Variants in EFCAB6 observed in about 807,000 individuals in gnomAD.
EFCAB6 encodes the protein EF-hand calcium binding domain 6, also known as EF-hand calcium-binding domain-containing protein 6.
A neutral mutation model predicts 169.8 loss-of-function variants in EFCAB6; 156 were observed. The ratio of observed to expected loss-of-function variants is 0.92; its 90% CI spans 0.81 to 1.05. The LOEUF (loss-of-function observed/expected upper bound fraction) is 1.05. EFCAB6 is among the 50% of genes least tolerant of loss of function. The pLI is 0.00. For synonymous variants in EFCAB6, 698 were observed against 676.4 expected (o/e 1.03, Z -0.50); for missense variants, 1,800 against 1,829.1 (o/e 0.98, Z 0.29).
rs148545497 is a variant in EFCAB6 at position 43,540,232 on chromosome 22, G to A, written c.3774C>T (p.Ala1258=). The change falls in exon 28 of 32, where the codon GCC becomes GCT. Residue 1258 remains alanine, a synonymous_variant. Transcript: ENST00000262726. The part of the protein sequence containing the change: ...TPMATGDSAV[A]QRGSSVPDVS... ...CGTCAGGGACACTGCTCCCTCTCTG[G>A]GCCACGGCCGAGTCACCAGTGGCCA... is the stretch of plus-strand genomic sequence containing the variant. 3.1e-6 allele frequency: 5 copies of A among 1,614,112 alleles called. No homozygotes were observed. Among genetic ancestry groups the A allele is most frequent in the Admixed American group, 1.7e-5 (1 of 60,006 alleles).
At chr22:43,650,938 G>T (rs1308571838) in intron 17 of EFCAB6, among the ~76,000 whole-genome samples, 1 of 152,188 alleles carries the variant, frequency 6.6e-6, no homozygotes, top group Non-Finnish European at 1.5e-5. Flanking sequence ...CATTCAAGAG[G>T]TGACTTGGGT....
intron 24 of EFCAB6, among the ~76,000 whole-genome samples, chr22:43,586,177 A>C (rs2051050798): frequency 6.6e-6 from 1 of 152,102 alleles, no homozygotes; most frequent in Non-Finnish European, 1.5e-5. Flanking sequence ...GATTAAAAGC[A>C]CACGGGTAAA....
rs541644070 is a variant in EFCAB6 at position 43,752,228 on chromosome 22, C to T, written c.507+3538G>A. Among the ~76,000 whole-genome samples the T allele has an allele frequency of 6.6e-4, 100 of 151,448 alleles. 1 individual carries two copies. The highest frequency in any genetic ancestry group is 2.4e-3 in the African/African-American group (98 of 41,204). ...TGCCTCCTGGATCCAAGTGATTCTC[C>T]TGTCTCAGCCTCCTGAGCAGCTGGA... is the stretch of plus-strand genomic sequence containing the variant. On this transcript the variant is annotated intron_variant, in intron 6 of 31. Transcript: ENST00000262726.
rs544508881 is a variant in EFCAB6 at position 43,573,810 on chromosome 22, T to C, written c.3420+2487A>G. ...TACTAGTTGTCCCAAGGGGTGATTG[T>C]AATTATTTTCTTCAAATGTATCAGC... On this transcript the variant is annotated intron_variant, in intron 26 of 31. Transcript: ENST00000262726. Among the ~76,000 whole-genome samples, 9 of 151,380 alleles carry C rather than the reference T, an allele frequency of 5.9e-5. No individual in the cohort carries two copies. In the South Asian group the frequency reaches 1.7e-3, roughly 28 times the overall value.
In EFCAB6 at chr22:43,769,957, C is replaced by A. The variant is rs557874647; in HGVS notation, c.351+2935G>T. Reference sequence around the variant, plus strand: ...ACAAACTCTGCCTCCCGGGTTCAAGCAATTCTCCCGCCTCAGCCTCCTGAG... The same window carrying A: ...ACAAACTCTGCCTCCCGGGTTCAAGAAATTCTCCCGCCTCAGCCTCCTGAG... On this transcript the variant is annotated intron_variant, in intron 4 of 31. Coordinates refer to ENST00000262726, the MANE Select transcript of EFCAB6 (RefSeq NM_022785.4). Among the ~76,000 whole-genome samples, 7 of 152,034 alleles carry A rather than the reference C, an allele frequency of 4.6e-5. No individual in the cohort carries two copies. In the East Asian group the frequency reaches 1.4e-3, roughly 29 times the overall value.
chr22:43,656,043 G>A (rs1021124928), intron 17 of EFCAB6, among the ~76,000 whole-genome samples: 4 of 152,126 alleles, frequency 2.6e-5, no homozygotes, highest in African/African-American at 2.4e-5. Flanking sequence ...ACCTACAATC[G>A]GATGGAAGAC....
chr22:43,622,553 C>A (rs777802468), intron 20 of EFCAB6, among the ~76,000 whole-genome samples: 1 of 152,026 alleles, frequency 6.6e-6, no homozygotes, highest in African/African-American at 2.4e-5. Context: ...GTGACAAGAG[C>A]GAAACTCCAT....
intron 10 of EFCAB6, among the ~76,000 whole-genome samples, chr22:43,691,845 G>C (rs1195654489): frequency 1.3e-5 from 2 of 152,126 alleles, no homozygotes; most frequent in Non-Finnish European, 2.9e-5. Context: ...GCAGCTATTT[G>C]AAAGTACTGT....
At chr22:43,730,209 G>A (rs1220797144) in intron 8 of EFCAB6, among the ~76,000 whole-genome samples, 4 of 120,584 alleles carry the variant, frequency 3.3e-5, no homozygotes, top group African/African-American at 9.7e-5. Context: ...AAAGAGAGGA[G>A]AGGAGAGGAA....
rs933701577 is a variant in EFCAB6, at chr22:43,537,145, C to T, written c.4048+232G>A. On this transcript the variant is annotated intron_variant, in intron 29 of 31. Transcript: ENST00000262726. This position sits in a 1 kb window ranked among gnomAD's most constrained non-coding sequence, Gnocchi z 4.3. ...TTTCTAAAGCTCAGAGTTAGTGCAG[C>T]GCTGACTTTACCATGCAGATGGGCC... 36 of 471,126 alleles carry T rather than the reference C, an allele frequency of 7.6e-5. No individual in the cohort carries two copies. The highest frequency in any genetic ancestry group is 3.8e-5 in the Non-Finnish European group (10 of 264,430). 29.2% of individuals were successfully genotyped at this position (471,126 alleles called of 1,614,324 possible). A position where few individuals can be genotyped will look rare whatever the true frequency, so the allele number is the denominator to read the frequency against.
intron 3 of EFCAB6, among the ~76,000 whole-genome samples, chr22:43,774,875 T>A (rs1394942749): frequency 6.6e-6 from 1 of 151,930 alleles, no homozygotes. Flanking sequence ...CTTCACGCTC[T>A]GGGGTTATGA....
At chr22:43,703,795 C>A (rs775093395) in intron 10 of EFCAB6, among the ~76,000 whole-genome samples, 1 of 150,342 alleles carries the variant, frequency 6.7e-6, no homozygotes, top group Non-Finnish European at 1.5e-5. Flanking sequence ...GAAGATAAAA[C>A]ATTTGAGATG....
intron 8 of EFCAB6, among the ~76,000 whole-genome samples, chr22:43,718,413 TA>T (rs1284752526): frequency 1.3e-5 from 2 of 152,122 alleles, no homozygotes; most frequent in Non-Finnish European, 2.9e-5. Context: ...TTCTATTTCC[TA>T]GCTCCAAAAA....
At chr22:43,645,610 G>C (rs1216201276) in intron 17 of EFCAB6, among the ~76,000 whole-genome samples, 1 of 152,194 alleles carries the variant, frequency 6.6e-6, no homozygotes, top group Non-Finnish European at 1.5e-5. Flanking sequence ...TTAAGGGACA[G>C]GTGAATTTAC....
chr22:43,781,007 C>T (rs187633430), intron 3 of EFCAB6, among the ~76,000 whole-genome samples: 2 of 152,290 alleles, frequency 1.3e-5, no homozygotes, highest in Admixed American at 6.5e-5. Context: ...TTCTTTATCT[C>T]CCTCTCTAGA....
intron 6 of EFCAB6, among the ~76,000 whole-genome samples, chr22:43,743,559 A>T (rs544302716): frequency 6.6e-6 from 1 of 152,252 alleles, no homozygotes; most frequent in East Asian, 1.9e-4. Context: ...GCTTAAGATG[A>T]AAGGAGCTCA....
intron 17 of EFCAB6, among the ~76,000 whole-genome samples, chr22:43,641,346 C>T (rs866395868): frequency 3.3e-4 from 50 of 152,070 alleles, no homozygotes; most frequent in Non-Finnish European, 4.1e-4. Flanking sequence ...CCAGGCACAG[C>T]GGCTCACACC....
At chr22:43,803,809 G>C (rs1457694012) in intron 2 of EFCAB6, among the ~76,000 whole-genome samples, 1 of 152,162 alleles carries the variant, frequency 6.6e-6, no homozygotes, top group Non-Finnish European at 1.5e-5. Flanking sequence ...TTAAACTACA[G>C]ACTAGACCTA....
At position 43,748,712 on chromosome 22, in the gene EFCAB6, C is replaced by T. The variant is rs374579229; in HGVS notation, c.507+7054G>A. Among the ~76,000 whole-genome samples, 6 of 152,188 alleles carry T rather than the reference C, an allele frequency of 3.9e-5. No homozygotes were observed. The East Asian group carries it at 7.7e-4, about 20-fold the overall frequency. ...AGAAAAGGTGCCTGCTCCCACAGAA[C>T]ACAGATCCCAGTCACAAACAAGCAA... On this transcript the variant is annotated intron_variant, in intron 6 of 31. Transcript: ENST00000262726.
Sources: allele counts gnomAD v4.1 joint callset (sites outside exome capture counted in the v4.1 genomes callset), GRCh38; gene constraint gnomAD v4.1.1; non-coding constraint Gnocchi (gnomAD v3.1); transcripts MANE v1.5; gene names NCBI Gene and HGNC (gene_info 2026-07-23, HGNC 2026-07-21).